The following RPTOR variants were observed in gnomAD, a reference collection of about 807,000 sequenced individuals.
The protein encoded by RPTOR is regulatory associated protein of MTOR complex 1.
In RPTOR, 21 loss-of-function variants were observed where a neutral mutation model predicts 169.9. The ratio of observed to expected loss-of-function variants is 0.12; its 90% confidence interval spans 0.09 to 0.18. The LOEUF (loss-of-function observed/expected upper bound fraction) is 0.18. Among genes scored for constraint, RPTOR ranks in the 10% least tolerant of loss-of-function variants. The pLI, the probability that RPTOR is intolerant of heterozygous loss-of-function variation, is 1.00. For synonymous variants in RPTOR, 732 were observed against 753.2 expected, an observed-to-expected ratio of 0.97 and a Z score of 0.46; for missense variants, 1,133 against 1,855.9, an observed-to-expected ratio of 0.61 and a Z score of 7.16.
At chr17:80,627,704 A>G (rs1409102914) in intron 2 of RPTOR, among the ~76,000 whole-genome samples, 1 of 152,036 alleles carries the variant, frequency 6.6e-6, no homozygotes, top group East Asian at 1.9e-4. Context: ...GTTGACAGAC[A>G]TTTGGGTTGT....
chr17:80,923,953 G>A (rs1361964897), intron 23 of RPTOR: 10 of 442,602 alleles, frequency 2.3e-5, no homozygotes, highest in South Asian at 9.1e-5. Context: ...CCGGTTCTCC[G>A]CCCCTGGTTC....
Position 80,803,459 on chromosome 17 carries a change from G to C in RPTOR, c.890+11950G>C, listed in dbSNP as rs1337749253. 1 of 152,478 alleles carries C rather than the reference G, an allele frequency of 6.6e-6. No homozygotes were observed. The highest frequency in any genetic ancestry group is 1.5e-5 in the Non-Finnish European group (1 of 68,242). 9.4% of individuals were successfully genotyped at this position (152,478 alleles called of 1,614,324 possible). ...CCGTGCTGCACAGTCCCCTCTGTCA[G>C]AGCCTGGTCGCTGTGCCCTGTGGCC... On this transcript the variant is annotated intron_variant, in intron 7 of 33. Transcript: ENST00000306801. This position sits in a 1 kb window ranked among gnomAD's most constrained non-coding sequence, Gnocchi z 6.2.
intron 10 of RPTOR, among the ~76,000 whole-genome samples, chr17:80,841,504 GGCAGCTCACACCA>G: frequency 1.8e-5 from 2 of 110,544 alleles, no homozygotes; most frequent in Admixed American, 8.9e-5. Flanking sequence ...CTCACCACAC[GGCAGCTCACACCA>G]CACGGCAGCT....
chr17:80,683,687 C>T (rs753179195), intron 3 of RPTOR, among the ~76,000 whole-genome samples: 4 of 152,168 alleles, frequency 2.6e-5, no homozygotes, highest in Non-Finnish European at 4.4e-5. Flanking sequence ...TCCCATCAAT[C>T]ATCTGCTACT....
chr17:80,945,705 A>T lies in RPTOR; in HGVS notation c.3064A>T (p.Asn1022Tyr), dbSNP rs1389494202. The T allele has an allele frequency of 6.2e-7, 1 of 1,611,402 alleles. No individual in the cohort carries two copies. Among genetic ancestry groups the T allele is most frequent in the Non-Finnish European group, 8.5e-7 (1 of 1,179,136 alleles). The change falls in exon 26 of 34, where the codon AAC becomes TAC. Residue 1022 changes from asparagine to tyrosine, a missense_variant. Coordinates refer to ENST00000306801, the MANE Select transcript of RPTOR (RefSeq NM_020761.3). ...GGACGACCAAATATTTCTGAACAGG[A>T]ACCCCGGCGTCCCCTCTGTGGTGAA... ...RLDDQIFLNRNPGVPSVVKFH... is the reference protein window; with the variant it reads ...RLDDQIFLNRYPGVPSVVKFH...
rs534522436 is a variant in RPTOR at position 80,817,624 on chromosome 17, C to T, written c.891-4577C>T. Reference sequence around the variant, plus strand: ...AGTGATGGGGCAAATGACAGGGAGCCGGGCAGGTCCGGGAGAAGGGGTGGG... The same window carrying T: ...AGTGATGGGGCAAATGACAGGGAGCTGGGCAGGTCCGGGAGAAGGGGTGGG... On this transcript the variant is annotated intron_variant, in intron 7 of 33. Transcript: ENST00000306801. Among the ~76,000 whole-genome samples, 247 of 151,154 alleles carry T rather than the reference C, an allele frequency of 1.6e-3. 1 individual carries two copies. Among genetic ancestry groups the T allele is most frequent in the African/African-American group, 5.9e-3 (243 of 41,056 alleles).
At chr17:80,932,757 A>G (rs538350257) in intron 24 of RPTOR, among the ~76,000 whole-genome samples, 145 of 152,346 alleles carry the variant, frequency 9.5e-4, no homozygotes, top group South Asian at 3.1e-3. Flanking sequence ...GCAGTCCAAC[A>G]TCTAACCACA....
intron 2 of RPTOR, among the ~76,000 whole-genome samples, chr17:80,637,994 C>T: frequency 6.6e-6 from 1 of 152,230 alleles, no homozygotes; most frequent in Non-Finnish European, 1.5e-5. Context: ...TAGGTGGAAA[C>T]GTATATGTTA....
At chr17:80,579,918 GC>G (rs1189816762) in intron 1 of RPTOR, among the ~76,000 whole-genome samples, 2 of 152,144 alleles carry the variant, frequency 1.3e-5, no homozygotes, top group Non-Finnish European at 2.9e-5. Context: ...ATGCAGTGCT[GC>G]CTAGGGAGAG....
chr17:80,605,783 G>A (rs138748156), intron 1 of RPTOR, among the ~76,000 whole-genome samples: 101 of 152,292 alleles, frequency 6.6e-4, no homozygotes, highest in African/African-American at 2.1e-3. Flanking sequence ...TGCTCATGAC[G>A]AATGCCCGTT....
rs1307031047 is a variant in RPTOR at position 80,660,530 on chromosome 17, A to G, written c.348+16720A>G. ...CACTCTGAGGAGCAGAGTTGGGGAC[A>G]AGAGTGGAAGGAAGAGTCTGATGGT... On this transcript the variant is annotated intron_variant, in intron 3 of 33. Transcript: ENST00000306801. Among the ~76,000 whole-genome samples the G allele has an allele frequency of 3.9e-5, 6 of 152,200 alleles. No individual in the cohort carries two copies. In the East Asian group the frequency reaches 1.2e-3, roughly 29 times the overall value.
intron 6 of RPTOR, among the ~76,000 whole-genome samples, chr17:80,776,375 G>A (rs1181401225): frequency 6.9e-6 from 1 of 144,684 alleles, no homozygotes; most frequent in Admixed American, 7.1e-5. Flanking sequence ...CCAGGCTGGA[G>A]TGCAGTGGCG....
At chr17:80,784,326 T>TG (rs2066970320) in intron 6 of RPTOR, among the ~76,000 whole-genome samples, 1 of 152,194 alleles carries the variant, frequency 6.6e-6, no homozygotes, top group African/African-American at 2.4e-5. Context: ...TTTAGTTCTT[T>TG]GGGTTTTTTT....
intron 3 of RPTOR, among the ~76,000 whole-genome samples, chr17:80,653,556 A>G (rs967448005): frequency 6.6e-6 from 1 of 152,170 alleles, no homozygotes; most frequent in African/African-American, 2.4e-5. Context: ...TGTCGGGGTG[A>G]GTGCAGGCAG....
intron 3 of RPTOR, among the ~76,000 whole-genome samples, chr17:80,693,103 T>C (rs185517666): frequency 4.7e-4 from 71 of 152,366 alleles, no homozygotes; most frequent in African/African-American, 1.6e-3. Context: ...CTCATTGGAA[T>C]CAAAGCTTCA....
At chr17:80,554,509 T>C (rs888063027) in intron 1 of RPTOR, among the ~76,000 whole-genome samples, 1 of 152,078 alleles carries the variant, frequency 6.6e-6, no homozygotes, top group Non-Finnish European at 1.5e-5. Flanking sequence ...TTTGGGAGAC[T>C]GAGGCGGGCA....
chr17:80,882,642 C>A (rs138384428), intron 14 of RPTOR, among the ~76,000 whole-genome samples: 3 of 152,190 alleles, frequency 2.0e-5, no homozygotes, highest in African/African-American at 7.2e-5. Context: ...GCTAGAAAGA[C>A]CACATGTCAG....
intron 3 of RPTOR, among the ~76,000 whole-genome samples, chr17:80,699,742 T>A (rs35905869): frequency 0.19 from 9,548 of 51,452 alleles, 132 homozygotes; most frequent in African/African-American, 0.28. Context: ...GATGGGGAGC[T>A]AGAGGTGCTG....
rs1195028826 is a variant in RPTOR, at chr17:80,823,975, C to T, written c.1136+752C>T. The stretch of plus-strand genomic sequence containing the variant: ...AAAGAGCGATTAACGTATGCCTAGC[C>T]GCAGAAGCCATCATGTGGCGTATTT... On this transcript the variant is annotated intron_variant, in intron 9 of 33. Coordinates refer to ENST00000306801, the MANE Select transcript of RPTOR (RefSeq NM_020761.3). This position sits in a 1 kb window ranked among gnomAD's most constrained non-coding sequence, Gnocchi z 4.5. Among the ~76,000 whole-genome samples the T allele has an allele frequency of 6.6e-6, 1 of 152,110 alleles. No homozygotes were observed. Among genetic ancestry groups the T allele is most frequent in the Non-Finnish European group, 1.5e-5 (1 of 68,032 alleles).
Sources: allele counts gnomAD v4.1 joint callset (sites outside exome capture counted in the v4.1 genomes callset), GRCh38; gene constraint gnomAD v4.1.1; non-coding constraint Gnocchi (gnomAD v3.1); transcripts MANE v1.5; gene names NCBI Gene and HGNC (gene_info 2026-07-23, HGNC 2026-07-21).